The following ZNF207 variants were observed in gnomAD, a reference collection of about 807,000 sequenced individuals.
ZNF207 encodes BUB3-interacting and GLEBS motif-containing protein ZNF207.
A neutral mutation model predicts 60.2 loss-of-function variants in ZNF207; 24 were observed. The ratio of observed to expected loss-of-function variants is 0.40; its 90% confidence interval spans 0.29 to 0.56. The LOEUF (loss-of-function observed/expected upper bound fraction) is 0.56. Among genes scored for constraint, ZNF207 ranks in the 20% least tolerant of loss-of-function variants. The pLI is 0.49. For synonymous variants in ZNF207, 236 were observed against 194.7 expected, an observed-to-expected ratio of 1.21 and a Z score of -1.77; for missense variants, 452 against 636.6, an observed-to-expected ratio of 0.71 and a Z score of 3.12.
rs1260101048 is a variant in ZNF207 at position 32,371,991 on chromosome 17, A to C, written c.*2232A>C. On this transcript the variant is annotated 3_prime_UTR_variant, in exon 12 of 12. Transcript: ENST00000394670. ...ACTGCTGAAGGAAAACTTGTGTTGA[A>C]AGTCTTTAAGATAAAAATGGTGTGA... 4 of 152,098 alleles carry C rather than the reference A, an allele frequency of 2.6e-5. No individual in the cohort carries two copies. The highest frequency in any genetic ancestry group is 9.7e-5 in the African/African-American group (4 of 41,390). 9.4% of individuals were successfully genotyped at this position (152,098 alleles called of 1,614,324 possible).
rs142607963 is a variant in ZNF207, at chr17:32,372,385, A to T, written c.*2626A>T. 1 of 152,194 alleles carries T rather than the reference A, an allele frequency of 6.6e-6. No individual in the cohort carries two copies. Among genetic ancestry groups the T allele is most frequent in the Non-Finnish European group, 1.5e-5 (1 of 68,042 alleles). 9.4% of individuals were successfully genotyped at this position (152,194 alleles called of 1,614,324 possible). A position where few individuals can be genotyped will look rare whatever the true frequency, so the allele number is the denominator to read the frequency against. ...TCTCAGGAATTTCATGTATACGGTT[A>T]TTGACAAACTGCAATAGGGTTAGTA... On this transcript the variant is annotated 3_prime_UTR_variant, in exon 12 of 12. Coordinates refer to ENST00000394670, the MANE Select transcript of ZNF207 (RefSeq NM_001098507.2).
chr17:32,379,068 C>T lies in ZNF207; in HGVS notation c.*9309C>T, dbSNP rs879478727. On this transcript the variant is annotated 3_prime_UTR_variant, in exon 12 of 12. Transcript: ENST00000394670. ...TCAACTGATAATAAAATATATCTTACAAGATAACCACTTGTTTTTTAATGT... is the reference window on the plus strand; with the variant it reads ...TCAACTGATAATAAAATATATCTTATAAGATAACCACTTGTTTTTTAATGT... 2 of 152,038 alleles carry T rather than the reference C, an allele frequency of 1.3e-5. No homozygotes were observed. The highest frequency in any genetic ancestry group is 2.9e-5 in the Non-Finnish European group (2 of 67,940). 9.4% of individuals were successfully genotyped at this position (152,038 alleles called of 1,614,324 possible). A position where few individuals can be genotyped will look rare whatever the true frequency, so the allele number is the denominator to read the frequency against.
At chr17:32,364,922 T>C (rs1266516995) in intron 7 of ZNF207, among the ~76,000 whole-genome samples, 1 of 152,258 alleles carries the variant, frequency 6.6e-6, no homozygotes, top group Non-Finnish European at 1.5e-5. Context: ...GTGATGTGTT[T>C]AACTTTGGAA....
rs36019593 is a variant in ZNF207 at position 32,369,442 on chromosome 17, A to C, written c.1312A>C (p.Met438Leu). The change falls in exon 11 of 12, where the codon ATG (methionine) becomes CTG (leucine). Residue 438 changes from methionine to leucine, a missense_variant. By Grantham distance (15) the Met-to-Leu change is conservative. This residue lies in a region of ZNF207 where 390 missense variants were observed against 461.4 expected (regional missense o/e 0.85). Coordinates refer to ENST00000394670, the MANE Select transcript of ZNF207 (RefSeq NM_001098507.2). Reference protein sequence around the residue: ...IPQQQGMRPPMPPHGQYGGHH... With the variant: ...IPQQQGMRPPLPPHGQYGGHH... ...ACAGCAACAAGGAATGAGACCCCCA[A>C]TGCCACCTCATGGTATTCCTCTTTT... 7.2e-5 allele frequency: 116 copies of C among 1,613,996 alleles called. No individual in the cohort carries two copies. Among genetic ancestry groups the C allele is most frequent in the Non-Finnish European group, 9.4e-5 (111 of 1,180,020 alleles).
chr17:32,358,771 C>A (rs1904692623), intron 3 of ZNF207, 130 bp downstream of exon 3: 3 of 667,460 alleles, frequency 4.5e-6, no homozygotes, highest in Non-Finnish European at 4.3e-6. Flanking sequence ...GCATCTTCTG[C>A]CTCCGGGGTT....
Position 32,369,645 on chromosome 17 carries a change from T to A in ZNF207, c.1371T>A (p.Gly457=), listed in dbSNP as rs1905375272. Residue 457 remains glycine (G), a synonymous_variant, in exon 12 of 12, where the codon GGT becomes GGA. Transcript: ENST00000394670. ...AAGGCATGCCAGGATACCTTCCTGG[T>A]GCTATGCCCCCGTATGGGCAGGGAC... ...HHQGMPGYLP[G]AMPPYGQGPP... 1 of 1,586,044 alleles carries A rather than the reference T, an allele frequency of 6.3e-7. No individual in the cohort carries two copies. Among genetic ancestry groups the A allele is most frequent in the Non-Finnish European group, 8.6e-7 (1 of 1,166,322 alleles).
rs2150808020 is a variant in ZNF207, at chr17:32,377,086, A to G, written c.*7327A>G. ...CCAACTTGGATAAAAATGAAGAATGATATTTTCCCAGTTTACTACACATGG... is the reference window on the plus strand; with the variant it reads ...CCAACTTGGATAAAAATGAAGAATGGTATTTTCCCAGTTTACTACACATGG... On this transcript the variant is annotated 3_prime_UTR_variant, in exon 12 of 12. Transcript: ENST00000394670. 1 of 152,186 alleles carries G rather than the reference A, an allele frequency of 6.6e-6. No individual in the cohort carries two copies. The highest frequency in any genetic ancestry group is 2.1e-4 in the South Asian group (1 of 4,828). The allele number at this position is 152,186 out of a possible 1,614,324, so 9.4% of individuals were successfully genotyped here.
Position 32,369,371 on chromosome 17 carries a change from C to T in ZNF207, c.1241C>T (p.Pro414Leu), listed in dbSNP as rs997652630. 2 of 1,613,974 alleles carry T rather than the reference C, an allele frequency of 1.2e-6. No homozygotes were observed. The highest frequency in any genetic ancestry group is 2.7e-5 in the African/African-American group (2 of 74,890). ...GGACAGGCCCCCATCGGTAATCCAC[C>T]AGTTGGACCAATTGGAGGTATGATG... Reference protein sequence around the residue: ...RPGQAPIGNPPVGPIGGMMPP... With the variant: ...RPGQAPIGNPLVGPIGGMMPP... The change falls in exon 11 of 12, where the codon CCA (proline) becomes CTA (leucine). Residue 414 changes from proline (P) to leucine (L), a missense_variant. By Grantham distance (98) the Pro-to-Leu change is moderately conservative. This residue lies in a region of ZNF207 where 390 missense variants were observed against 461.4 expected (regional missense o/e 0.85). Transcript: ENST00000394670.
At position 32,369,275 on chromosome 17, in the gene ZNF207, G is replaced by A; in HGVS notation, c.1165-20G>A. 1 of 1,612,276 alleles carries A rather than the reference G, an allele frequency of 6.2e-7. No individual in the cohort carries two copies. The highest frequency in any genetic ancestry group is 8.5e-7 in the Non-Finnish European group (1 of 1,178,844). The stretch of plus-strand genomic sequence containing the variant: ...CCTCTGCATTCGAGTATTTAGCCCT[G>A]CGCTTATTTTTATTCCCAGGAAGAG... On this transcript the variant is annotated intron_variant, in intron 10 of 11. Transcript: ENST00000394670.
In ZNF207 at chr17:32,362,933, A is replaced by G. The variant is rs772907044; in HGVS notation, c.619A>G (p.Met207Val). ...GENIMMPMGG[M>V]MPPGPGIPPL... ...TAATAGAATGATGCCAATGGGTGGAATGATGCCACCTGGACCAGGAATACC... is the reference window on the plus strand; with the variant it reads ...TAATAGAATGATGCCAATGGGTGGAGTGATGCCACCTGGACCAGGAATACC... Residue 207 changes from methionine (M) to valine (V), a missense_variant, in exon 7 of 12, where the codon ATG (methionine) becomes GTG (valine). Met to Val is a conservative substitution (Grantham distance 21, BLOSUM62 1). This residue lies in a region of ZNF207 where 390 missense variants were observed against 461.4 expected (regional missense o/e 0.85). Transcript: ENST00000394670. 14 of 1,613,320 alleles carry G rather than the reference A, an allele frequency of 8.7e-6. No homozygotes were observed. Among genetic ancestry groups the G allele is most frequent in the African/African-American group, 2.7e-5 (2 of 74,904 alleles).
intron 2 of ZNF207, among the ~76,000 whole-genome samples, chr17:32,352,696 C>T (rs1265887859): frequency 6.6e-6 from 1 of 152,108 alleles, no homozygotes; most frequent in African/African-American, 2.4e-5. Context: ...CAGCATTGTA[C>T]TTTTTGCTTT....
rs1013049161 is a variant in ZNF207 at position 32,381,164 on chromosome 17, G to T, written c.*11405G>T. 1 of 152,082 alleles carries T rather than the reference G, an allele frequency of 6.6e-6. No individual in the cohort carries two copies. The highest frequency in any genetic ancestry group is 2.4e-5 in the African/African-American group (1 of 41,400). 9.4% of individuals were successfully genotyped at this position (152,082 alleles called of 1,614,324 possible). On this transcript the variant is annotated 3_prime_UTR_variant, in exon 12 of 12. Transcript: ENST00000394670. ...AGAGTAAGCATTATTTTATGAAGTG[G>T]TACAAGATTGCAAAGGTTAGTAAAG...
rs1318042820 is a variant in ZNF207 at position 32,352,539 on chromosome 17, C to T, written c.168+627C>T. Among the ~76,000 whole-genome samples the T allele has an allele frequency of 3.3e-5, 5 of 152,094 alleles. No individual in the cohort carries two copies. In the East Asian group the frequency reaches 9.6e-4, roughly 29 times the overall value. On this transcript the variant is annotated intron_variant, in intron 2 of 11. Coordinates refer to ENST00000394670, the MANE Select transcript of ZNF207 (RefSeq NM_001098507.2). ...ACTTGGAGCAGAGAACAAGGATCAG[C>T]GATTTAGATTTTGTAGGTGGTCTGG... is the stretch of plus-strand genomic sequence containing the variant.
rs757655621 is a variant in ZNF207 at position 32,360,741 on chromosome 17, C to G, written c.451C>G (p.Pro151Ala). 2.0e-5 allele frequency: 32 copies of G among 1,614,044 alleles called. No individual in the cohort carries two copies. Among genetic ancestry groups the G allele is most frequent in the Non-Finnish European group, 2.6e-5 (31 of 1,180,000 alleles). The change falls in exon 4 of 12, where the codon CCA becomes GCA. Residue 151 changes from proline to alanine, a missense_variant. By Grantham distance (27) the Pro-to-Ala change is conservative. Coordinates refer to ENST00000394670, the MANE Select transcript of ZNF207 (RefSeq NM_001098507.2). Reference protein sequence around the residue: ...PMAQPGLPPVPGAPGMPPGIP... With the variant: ...PMAQPGLPPVAGAPGMPPGIP... ...GGCACAGCCAGGACTGCCACCAGTA[C>G]CAGGAGCACCAGGAATGCCTCCAGG...
In ZNF207 at chr17:32,381,612, C is replaced by G. The variant is rs1210527333; in HGVS notation, c.*11853C>G. On this transcript the variant is annotated 3_prime_UTR_variant, in exon 12 of 12. Transcript: ENST00000394670. ...CATGTAGCCATGTAATTAGAACTCA[C>G]AAGGGGCATTGAAATGTTTTTCTTT... The G allele has an allele frequency of 1.3e-5, 2 of 152,192 alleles. No homozygotes were observed. Among genetic ancestry groups the G allele is most frequent in the African/African-American group, 4.8e-5 (2 of 41,446 alleles). 9.4% of individuals were successfully genotyped at this position (152,192 alleles called of 1,614,324 possible).
intron 2 of ZNF207, among the ~76,000 whole-genome samples, chr17:32,354,549 T>C (rs1904390109): frequency 1.3e-5 from 2 of 151,066 alleles, no homozygotes; most frequent in Non-Finnish European, 3.0e-5. Context: ...CCTCAAGTGA[T>C]CCCATCTACT....
chr17:32,354,073 T>C (rs1476765909), intron 2 of ZNF207, among the ~76,000 whole-genome samples: 1 of 152,008 alleles, frequency 6.6e-6, no homozygotes, highest in Non-Finnish European at 1.5e-5. Flanking sequence ...ACTCCCTTAC[T>C]CAAATGATCC....
chr17:32,359,513 G>T (rs752420578), intron 3 of ZNF207, among the ~76,000 whole-genome samples: 6 of 152,140 alleles, frequency 3.9e-5, no homozygotes, highest in Non-Finnish European at 7.4e-5. Context: ...CTCCCTAAGT[G>T]CTGGGATTAC....
rs1035396495 is a variant in ZNF207 at position 32,371,301 on chromosome 17, A to C, written c.*1542A>C. The stretch of plus-strand genomic sequence containing the variant: ...TGTGAAGGTATAGATAAAACACATG[A>C]AGTCTGAAGTTGTATGGAAAAAAGG... On this transcript the variant is annotated 3_prime_UTR_variant, in exon 12 of 12. Coordinates refer to ENST00000394670, the MANE Select transcript of ZNF207 (RefSeq NM_001098507.2). 3 of 152,236 alleles carry C rather than the reference A, an allele frequency of 2.0e-5. No individual in the cohort carries two copies. Among genetic ancestry groups the C allele is most frequent in the Admixed American group, 6.5e-5 (1 of 15,284 alleles). The allele number at this position is 152,236 out of a possible 1,614,324, so 9.4% of individuals were successfully genotyped here. A position where few individuals can be genotyped will look rare whatever the true frequency, so the allele number is the denominator to read the frequency against.
Sources: gnomAD v4.1 joint callset for allele counts (sites outside exome capture counted in the v4.1 genomes callset) on GRCh38, gnomAD v4.1.1 for gene constraint, gnomAD v4.1.1 regional missense constraint, MANE v1.5 for transcripts, NCBI Gene and HGNC (gene_info 2026-07-23, HGNC 2026-07-21) for gene names.